The following NKAIN2 variants were observed in gnomAD, a reference collection of about 807,000 sequenced individuals.
The protein encoded by NKAIN2 is sodium/potassium-transporting ATPase subunit beta-1-interacting protein 2.
NKAIN2 carries 14 observed loss-of-function variants against 32.6 expected under a neutral mutation model. That is an observed-to-expected ratio of 0.43 (90% CI 0.28 to 0.67). NKAIN2 has a LOEUF of 0.67. Among genes scored for constraint, NKAIN2 ranks in the 30% least tolerant of loss-of-function variants. The pLI, the probability that NKAIN2 is intolerant of heterozygous loss-of-function variation, is 0.17. For missense variants in NKAIN2, 198 were observed against 258.3 expected (o/e 0.77, Z 1.60); for synonymous variants, 80 against 87.2 (o/e 0.92, Z 0.46).
intron 3 of NKAIN2, among the ~76,000 whole-genome samples, chr6:124,484,677 C>T (rs1300161992): frequency 1.3e-5 from 2 of 151,904 alleles, no homozygotes; most frequent in Non-Finnish European, 2.9e-5. Flanking sequence ...ACATGCATGC[C>T]CACATTCATA....
At chr6:124,344,093 T>C (rs1207321158) in intron 2 of NKAIN2, among the ~76,000 whole-genome samples, 1 of 152,172 alleles carries the variant, frequency 6.6e-6, no homozygotes, top group Admixed American at 6.5e-5. Context: ...TAGGGAATCC[T>C]TTCCCCATTG....
At chr6:124,804,103 A>T (rs772686510) in intron 5 of NKAIN2, among the ~76,000 whole-genome samples, 7 of 152,108 alleles carry the variant, frequency 4.6e-5, no homozygotes, top group Non-Finnish European at 1.0e-4. Context: ...AGGTCTTCTG[A>T]CTCCAAAGCC....
chr6:124,598,354 G>A (rs1782175699), intron 3 of NKAIN2, among the ~76,000 whole-genome samples: 1 of 152,118 alleles, frequency 6.6e-6, no homozygotes, highest in Non-Finnish European at 1.5e-5. Context: ...ATCACTTCAT[G>A]AATTAATAAA....
chr6:123,867,862 ATTTTTTT>A lies in NKAIN2; in HGVS notation c.54+63622_54+63628del, dbSNP rs1201240894. ...AATTATTCACTGTTGTACTGGGTTC[ATTTTTTT>A]TTTTTTTTTTTTTGTTTCAGACAGA... is the stretch of plus-strand genomic sequence containing the variant. On this transcript the variant is annotated intron_variant, in intron 1 of 6. Transcript: ENST00000368417. 1.9e-3 allele frequency among the ~76,000 whole-genome samples: 244 copies of A among 129,204 alleles called. No homozygotes were observed. In the East Asian group the frequency reaches 0.022, roughly 12 times the overall value. The allele number at this position is 129,204 out of a possible 152,430, so 84.8% of individuals were successfully genotyped here.
chr6:124,339,295 A>G (rs1472241237), intron 2 of NKAIN2, among the ~76,000 whole-genome samples: 4 of 148,002 alleles, frequency 2.7e-5, no homozygotes, highest in African/African-American at 1.0e-4. Context: ...CAGTGAGCCG[A>G]GATCGCACCA....
At chr6:124,748,152 A>C (rs1386640411) in intron 4 of NKAIN2, among the ~76,000 whole-genome samples, 1 of 151,986 alleles carries the variant, frequency 6.6e-6, no homozygotes, top group Non-Finnish European at 1.5e-5. Flanking sequence ...CAGAACAATA[A>C]GGCCACAACA....
At chr6:124,647,806 A>G (rs1784234001) in intron 3 of NKAIN2, among the ~76,000 whole-genome samples, 1 of 152,198 alleles carries the variant, frequency 6.6e-6, no homozygotes, top group African/African-American at 2.4e-5. Flanking sequence ...ACCAAGCAGT[A>G]TAAATGTGTC....
At chr6:124,169,290 A>G (rs777485570) in intron 1 of NKAIN2, among the ~76,000 whole-genome samples, 12 of 152,164 alleles carry the variant, frequency 7.9e-5, no homozygotes, top group Non-Finnish European at 1.8e-4. Flanking sequence ...TTACATTCTG[A>G]GAAATTTGCA....
chr6:123,819,750 A>G (rs1440841960), intron 1 of NKAIN2, among the ~76,000 whole-genome samples: 1 of 152,202 alleles, frequency 6.6e-6, no homozygotes, highest in African/African-American at 2.4e-5. Flanking sequence ...GACACCAGTG[A>G]GTAGCTTTTA....
At chr6:124,270,577 C>A (rs142090458) in intron 1 of NKAIN2, among the ~76,000 whole-genome samples, 337 of 152,194 alleles carry the variant, frequency 2.2e-3, no homozygotes, top group African/African-American at 7.7e-3. Flanking sequence ...GATACATGAA[C>A]ATAAGAACAT....
chr6:124,411,280 T>C (rs1214591681), intron 3 of NKAIN2, among the ~76,000 whole-genome samples: 4 of 151,952 alleles, frequency 2.6e-5, no homozygotes, highest in Non-Finnish European at 4.4e-5. Flanking sequence ...CTAGCCTTGA[T>C]GGTCTTTACA....
chr6:124,784,365 C>A (rs894476966), intron 4 of NKAIN2, among the ~76,000 whole-genome samples: 2 of 152,096 alleles, frequency 1.3e-5, no homozygotes, highest in Non-Finnish European at 2.9e-5. Flanking sequence ...TGCCTTTTTA[C>A]GGCCACATTC....
intron 2 of NKAIN2, among the ~76,000 whole-genome samples, chr6:124,318,321 ATTT>A: frequency 6.7e-6 from 1 of 149,720 alleles, no homozygotes; most frequent in South Asian, 2.1e-4. Flanking sequence ...TCAGCTACTG[ATTT>A]TTTTTTTAAA....
At chr6:124,638,382 ACAGT>A (rs1319056322) in intron 3 of NKAIN2, among the ~76,000 whole-genome samples, 34 of 152,240 alleles carry the variant, frequency 2.2e-4, no homozygotes, top group African/African-American at 7.7e-4. Context: ...CTTCAAATGC[ACAGT>A]CAATGATATC....
chr6:124,396,191 G>C (rs1205431391), intron 3 of NKAIN2, among the ~76,000 whole-genome samples: 2 of 151,764 alleles, frequency 1.3e-5, no homozygotes, highest in East Asian at 3.9e-4. Context: ...GAAACAATGG[G>C]TATCTCCCAA....
chr6:124,376,334 A>G (rs184960217), intron 3 of NKAIN2, among the ~76,000 whole-genome samples: 184 of 152,236 alleles, frequency 1.2e-3, no homozygotes, highest in Admixed American at 3.8e-3. Flanking sequence ...AACAATTTTT[A>G]TGGTAAAGAA....
At chr6:124,408,904 G>T (rs1035881033) in intron 3 of NKAIN2, among the ~76,000 whole-genome samples, 8 of 152,052 alleles carry the variant, frequency 5.3e-5, no homozygotes, top group Non-Finnish European at 1.2e-4. Flanking sequence ...CCTTGAAGTG[G>T]TCTTTCACAT....
intron 1 of NKAIN2, among the ~76,000 whole-genome samples, chr6:124,246,474 G>C (rs952537291): frequency 3.3e-5 from 5 of 152,010 alleles, no homozygotes; most frequent in Non-Finnish European, 7.4e-5. Context: ...ATTATGCCCA[G>C]CCTACCTCCA....
intron 1 of NKAIN2, among the ~76,000 whole-genome samples, chr6:123,889,639 T>A (rs1773903426): frequency 6.6e-6 from 1 of 152,070 alleles, no homozygotes; most frequent in Non-Finnish European, 1.5e-5. Flanking sequence ...AGAGAAAAGG[T>A]TTATTTCAGG....
Sources: allele counts gnomAD v4.1 joint callset (sites outside exome capture counted in the v4.1 genomes callset), GRCh38; gene constraint gnomAD v4.1.1; transcripts MANE v1.5; gene names NCBI Gene and HGNC (gene_info 2026-07-23, HGNC 2026-07-21).